The following TNIK variants were observed in gnomAD, a reference collection of about 807,000 sequenced individuals.
TNIK encodes the protein TRAF2 and NCK-interacting protein kinase.
Under a neutral mutation model 191.3 loss-of-function variants are expected in TNIK, and 49 were observed. That is an observed-to-expected ratio of 0.26 (90% CI 0.20 to 0.32). The LOEUF is 0.32. Among genes scored for constraint, TNIK ranks in the 10% least tolerant of loss-of-function variants. The pLI is 1.00. For synonymous variants in TNIK, 594 were observed against 600.9 expected, an observed-to-expected ratio of 0.99 and a Z score of 0.17; for missense variants, 1,155 against 1,702.3, an observed-to-expected ratio of 0.68 and a Z score of 5.66.
intron 1 of TNIK, among the ~76,000 whole-genome samples, chr3:171,390,247 G>A (rs1179590125): frequency 6.6e-6 from 1 of 152,082 alleles, no homozygotes; most frequent in African/African-American, 2.4e-5. Context: ...AGAGATCCCG[G>A]GTAATTACTC....
At chr3:171,215,544 T>C (rs868412360) in intron 3 of TNIK, among the ~76,000 whole-genome samples, 1 of 152,206 alleles carries the variant, frequency 6.6e-6, no homozygotes, top group Non-Finnish European at 1.5e-5. Flanking sequence ...TCTTAATTCT[T>C]TACAGAAAAC....
At chr3:171,141,508 A>C (rs908687533) in intron 12 of TNIK, among the ~76,000 whole-genome samples, 3 of 152,230 alleles carry the variant, frequency 2.0e-5, no homozygotes, top group African/African-American at 7.2e-5. Flanking sequence ...AAGCAGTTAC[A>C]GGAGCCAGTG....
chr3:171,294,242 A>AAAC (rs1553881644), intron 2 of TNIK, among the ~76,000 whole-genome samples: 1 of 143,172 alleles, frequency 7.0e-6, no homozygotes, highest in Non-Finnish European at 1.6e-5. Context: ...ACAAACAAAC[A>AAAC]AACAACAACA....
intron 4 of TNIK, among the ~76,000 whole-genome samples, chr3:171,203,388 C>T (rs1032422412): frequency 1.3e-5 from 2 of 152,102 alleles, no homozygotes; most frequent in African/African-American, 4.8e-5. Flanking sequence ...AATGTGAATA[C>T]ATGAAATTGA....
chr3:171,118,628 G>A (rs7626495), intron 18 of TNIK, among the ~76,000 whole-genome samples: 8,300 of 152,018 alleles, frequency 0.055, 719 homozygotes, highest in African/African-American at 0.18. Context: ...CCTCAGAAAT[G>A]ATGCCACATA....
chr3:171,311,542 A>G (rs900475443), intron 2 of TNIK, among the ~76,000 whole-genome samples: 1 of 152,144 alleles, frequency 6.6e-6, no homozygotes, highest in Non-Finnish European at 1.5e-5. Flanking sequence ...GGGAAGAAAA[A>G]CCAGAATTCA....
chr3:171,217,071 T>C (rs1741539462), intron 3 of TNIK, among the ~76,000 whole-genome samples: 1 of 152,016 alleles, frequency 6.6e-6, no homozygotes, highest in East Asian at 1.9e-4. Flanking sequence ...AGCAAACAAA[T>C]CATTCTGCCA....
chr3:171,329,794 C>G (rs1239839168), intron 2 of TNIK, among the ~76,000 whole-genome samples: 1 of 152,192 alleles, frequency 6.6e-6, no homozygotes, highest in African/African-American at 2.4e-5. Context: ...ACATGAACAA[C>G]TGAAGTTGCA....
intron 6 of TNIK, among the ~76,000 whole-genome samples, chr3:171,190,288 C>T (rs188822527): frequency 2.0e-5 from 3 of 152,248 alleles, no homozygotes; most frequent in African/African-American, 7.2e-5. Flanking sequence ...TAACTTAAAC[C>T]TATGGGAATA....
intron 3 of TNIK, among the ~76,000 whole-genome samples, chr3:171,214,582 C>A (rs1184394625): frequency 6.6e-6 from 1 of 152,146 alleles, no homozygotes; most frequent in Non-Finnish European, 1.5e-5. Context: ...GCACAAGGAT[C>A]AAGCCCTCTG....
At chr3:171,445,478 G>A (rs9867032) in intron 1 of TNIK, among the ~76,000 whole-genome samples, 20,095 of 151,482 alleles carry the variant, frequency 0.13, 2,089 homozygotes, top group African/African-American at 0.29. Flanking sequence ...TGAAGCTGCT[G>A]GTCCAAGGAT....
intron 28 of TNIK, among the ~76,000 whole-genome samples, chr3:171,074,289 C>T (rs938275657): frequency 1.2e-4 from 18 of 152,094 alleles, no homozygotes; most frequent in Non-Finnish European, 2.2e-4. Flanking sequence ...CATGTTCTCA[C>T]TTATAAGTGG....
At chr3:171,098,366 C>A (rs1270956961) in intron 22 of TNIK, among the ~76,000 whole-genome samples, 2 of 152,110 alleles carry the variant, frequency 1.3e-5, no homozygotes, top group Non-Finnish European at 2.9e-5. Context: ...AAATAAAAAT[C>A]TCCCATAATT....
Position 171,152,673 on chromosome 3 carries a change from C to T in TNIK, c.1221+4787G>A, listed in dbSNP as rs199940750. Among the ~76,000 whole-genome samples, 8 of 152,244 alleles carry T rather than the reference C, an allele frequency of 5.3e-5. No individual in the cohort carries two copies. The East Asian group carries it at 5.8e-4, about 11-fold the overall frequency. On this transcript the variant is annotated intron_variant, in intron 12 of 32. Transcript: ENST00000436636. Reference sequence around the variant, plus strand: ...TCTTTTCACTCCAAGTGCAGATCTACTGACTCCCTGGGCAGGTTGCTTCCC... The same window carrying T: ...TCTTTTCACTCCAAGTGCAGATCTATTGACTCCCTGGGCAGGTTGCTTCCC...
At chr3:171,428,012 A>G (rs1724871641) in intron 1 of TNIK, among the ~76,000 whole-genome samples, 2 of 152,140 alleles carry the variant, frequency 1.3e-5, no homozygotes, top group South Asian at 4.1e-4. Context: ...CTGGGGGAGC[A>G]GGTCAGGTTT....
At chr3:171,099,426 C>T (rs116814598) in intron 22 of TNIK, among the ~76,000 whole-genome samples, 1,518 of 151,366 alleles carry the variant, frequency 0.01, 22 homozygotes, top group African/African-American at 0.035. Context: ...ATTGGCTATA[C>T]ACTCTTCAAA....
intron 1 of TNIK, among the ~76,000 whole-genome samples, chr3:171,436,280 C>A (rs1438443034): frequency 2.6e-5 from 4 of 151,380 alleles, no homozygotes; most frequent in Non-Finnish European, 4.4e-5. Flanking sequence ...ACCTTGTAAA[C>A]CTACATATAC....
intron 1 of TNIK, among the ~76,000 whole-genome samples, chr3:171,385,864 G>T (rs1718657651): frequency 6.6e-6 from 1 of 152,134 alleles, no homozygotes; most frequent in Non-Finnish European, 1.5e-5. Flanking sequence ...TTCAAGTATT[G>T]AACACACATG....
chr3:171,124,234 T>C (rs2108563730), intron 17 of TNIK, among the ~76,000 whole-genome samples: 1 of 152,324 alleles, frequency 6.6e-6, no homozygotes, highest in East Asian at 1.9e-4. Context: ...CCTACCACAG[T>C]AGATCTTGAA....
Sources: allele counts gnomAD v4.1 joint callset (sites outside exome capture counted in the v4.1 genomes callset), GRCh38; gene constraint gnomAD v4.1.1; transcripts MANE v1.5; gene names NCBI Gene and HGNC (gene_info 2026-07-23, HGNC 2026-07-21).